Variants in CPNE5 observed in about 807,000 individuals in gnomAD.
CPNE5 encodes the protein copine-5.
Under a neutral mutation model 81.1 loss-of-function variants are expected in CPNE5, and 42 were observed. The ratio of observed to expected loss-of-function variants is 0.52; its 90% CI spans 0.40 to 0.67. The LOEUF (loss-of-function observed/expected upper bound fraction) is 0.67. CPNE5 is among the 30% of genes least tolerant of loss of function. The probability of loss-of-function intolerance (pLI) is 0.00; values close to 1 mark genes in which losing one functional copy is unlikely to be tolerated. For synonymous variants in CPNE5, 313 were observed against 321.5 expected, an observed-to-expected ratio of 0.97 and a Z score of 0.28; for missense variants, 612 against 815.5, an observed-to-expected ratio of 0.75 and a Z score of 3.04.
Position 36,791,978 on chromosome 6 carries a change from C to T in CPNE5, c.528+55G>A, listed in dbSNP as rs77163389. 17 of 1,483,716 alleles carry T rather than the reference C, an allele frequency of 1.1e-5. No homozygotes were observed. In the African/African-American group the frequency reaches 2.2e-4, roughly 19 times the overall value. The allele number at this position is 1,483,716 out of a possible 1,614,324, so 91.9% of individuals were successfully genotyped here. On this transcript the variant is annotated intron_variant, in intron 8 of 20. Transcript: ENST00000244751. ...CCAGGGGCTCAGGGAGGCCAGCCTG[C>T]ACTCCATCACCCCCACCCCAACCAC...
intron 9 of CPNE5, 102 bp from the exon 10 acceptor site, chr6:36,775,167 A>G (rs1255294115): frequency 2.9e-5 from 24 of 822,072 alleles, no homozygotes; most frequent in Non-Finnish European, 4.3e-5. Flanking sequence ...TGGTTCCTGG[A>G]CGACGGAAAT....
intron 6 of CPNE5, among the ~76,000 whole-genome samples, chr6:36,795,485 T>C (rs552795362): frequency 6.6e-6 from 1 of 152,270 alleles, no homozygotes; most frequent in Admixed American, 6.5e-5. Flanking sequence ...AGCCTGGAGA[T>C]AGGGTCTTTA....
intron 1 of CPNE5, chr6:36,827,246 C>A (rs1422127366): frequency 2.5e-5 from 21 of 847,424 alleles, no homozygotes; most frequent in Non-Finnish European, 3.0e-5. Flanking sequence ...TGATCCCACA[C>A]CTCGTCCACA....
rs770834971 is a variant in CPNE5 at position 36,774,375 on chromosome 6, C to T, written c.737+586G>A. 1.2e-4 allele frequency among the ~76,000 whole-genome samples: 18 copies of T among 152,098 alleles called. 1 individual carries two copies. The highest frequency in any genetic ancestry group is 2.2e-4 in the Non-Finnish European group (15 of 68,008). On this transcript the variant is annotated intron_variant, in intron 10 of 20. Coordinates refer to ENST00000244751, the MANE Select transcript of CPNE5 (RefSeq NM_020939.2). ...CTGCATTCCAGCCTGGGTGACTGAG[C>T]GAGACCCTGTCTAAAAAAAGAGAAA... is the stretch of plus-strand genomic sequence containing the variant.
In CPNE5 at chr6:36,778,874, G is replaced by A; in HGVS notation, c.612C>T (p.Tyr204=). 6.2e-7 allele frequency: 1 copy of A among 1,604,540 alleles called. No homozygotes were observed. Among genetic ancestry groups the A allele is most frequent in the Non-Finnish European group, 8.5e-7 (1 of 1,171,878 alleles). ...FGKSDPFLVF[Y]RSNEDGTFTI... ...CTCACGTTCCATCCTCGTTGCTTCT[G>A]TAGAATACCAAGAAGGGGTCAGATT... Residue 204 remains tyrosine, a synonymous_variant, in exon 9 of 21, where the codon TAC becomes TAT. Coordinates refer to ENST00000244751, the MANE Select transcript of CPNE5 (RefSeq NM_020939.2).
intron 12 of CPNE5, 79 bp downstream of exon 12, chr6:36,762,838 C>G: frequency 8.8e-7 from 1 of 1,138,938 alleles, no homozygotes; most frequent in South Asian, 1.2e-5. Context: ...AGCCCCCAGC[C>G]CAGTGCATGG....
intron 11 of CPNE5, among the ~76,000 whole-genome samples, chr6:36,763,325 G>A (rs867740034): frequency 3.9e-5 from 6 of 152,146 alleles, no homozygotes; most frequent in Non-Finnish European, 7.4e-5. Flanking sequence ...TATTGTGGCC[G>A]GGCGCGGTGG....
At chr6:36,791,935 G>C (rs1769131366) in intron 8 of CPNE5, 98 bp downstream of exon 8, 2 of 1,051,698 alleles carry the variant, frequency 1.9e-6, no homozygotes, top group African/African-American at 1.6e-5. Flanking sequence ...CAGGAGCCCT[G>C]TCTACCCTCG....
chr6:36,744,223 C>T lies in CPNE5; in HGVS notation c.1489+45G>A, dbSNP rs373546119. On this transcript the variant is annotated intron_variant, in intron 19 of 20. Coordinates refer to ENST00000244751, the MANE Select transcript of CPNE5 (RefSeq NM_020939.2). ...AACATCTGGGGTGGGGGCAGGGTTG[C>T]GTGGCTAGGGAAGGAAAGGAGGGGA... 1.5e-4 allele frequency: 228 copies of T among 1,493,910 alleles called. 1 individual carries two copies. Among genetic ancestry groups the T allele is most frequent in the Admixed American group, 2.3e-4 (12 of 51,064 alleles). The allele number at this position is 1,493,910 out of a possible 1,614,324, so 92.5% of individuals were successfully genotyped here.
chr6:36,792,178 C>A, intron 7 of CPNE5, 82 bp from the exon 8 acceptor site: 1 of 1,337,044 alleles, frequency 7.5e-7, no homozygotes, highest in Non-Finnish European at 1.1e-6. Flanking sequence ...CAGCCCCCTG[C>A]CCATCCTCCC....
Position 36,745,441 on chromosome 6 carries a change from A to C in CPNE5, c.1275T>G (p.Thr425=), listed in dbSNP as rs773187928. 6 of 1,606,270 alleles carry C rather than the reference A, an allele frequency of 3.7e-6. No individual in the cohort carries two copies. In the South Asian group the frequency reaches 6.7e-5, roughly 18 times the overall value. ...AGTTGGTGGGGCCGTACAGCTGCACAGTGCGCAGGCTGCGGTGGTAGGCCT... is the reference window on the plus strand; with the variant it reads ...AGTTGGTGGGGCCGTACAGCTGCACCGTGCGCAGGCTGCGGTGGTAGGCCT... The part of the protein sequence containing the change: ...ILEAYHRSLR[T]VQLYGPTNFA... Residue 425 remains threonine, a synonymous_variant, in exon 17 of 21, where the codon ACT becomes ACG. Transcript: ENST00000244751.
At chr6:36,800,542 T>C (rs1448778952) in intron 3 of CPNE5, among the ~76,000 whole-genome samples, 3 of 152,220 alleles carry the variant, frequency 2.0e-5, no homozygotes, top group Non-Finnish European at 4.4e-5. Context: ...ACTTATTTGA[T>C]TCCCAATTGC....
chr6:36,830,774 G>A (rs915213017), intron 1 of CPNE5, among the ~76,000 whole-genome samples: 2 of 152,174 alleles, frequency 1.3e-5, no homozygotes, highest in African/African-American at 4.8e-5. Context: ...TGCCTGTGGA[G>A]TTGCTGTGAA....
chr6:36,824,572 G>T (rs1391825823), intron 1 of CPNE5, among the ~76,000 whole-genome samples: 2 of 152,186 alleles, frequency 1.3e-5, no homozygotes, highest in Non-Finnish European at 2.9e-5. Context: ...CCCCACAGGG[G>T]CCTCTGCCCC....
chr6:36,839,196 C>T lies in CPNE5; in HGVS notation c.95+87G>A. 4 of 950,874 alleles carry T rather than the reference C, an allele frequency of 4.2e-6. No individual in the cohort carries two copies. The highest frequency in any genetic ancestry group is 4.6e-6 in the Non-Finnish European group (3 of 650,558). The allele number at this position is 950,874 out of a possible 1,614,324, so 58.9% of individuals were successfully genotyped here. ...ACCAGGACACTCTGGGAAGGGGGCG[C>T]GCGGAGGTTTAGGATCGAAGCGGCA... On this transcript the variant is annotated intron_variant, in intron 1 of 20. Coordinates refer to ENST00000244751, the MANE Select transcript of CPNE5 (RefSeq NM_020939.2). The surrounding 1 kb of genome is among the most constrained non-coding windows in gnomAD (Gnocchi z 7.3).
chr6:36,808,028 A>G (rs1445824876), intron 3 of CPNE5, among the ~76,000 whole-genome samples: 1 of 152,160 alleles, frequency 6.6e-6, no homozygotes, highest in Non-Finnish European at 1.5e-5. Context: ...ATCATGGACT[A>G]GGATGTGGAG....
chr6:36,828,515 C>T (rs909541865), intron 1 of CPNE5, among the ~76,000 whole-genome samples: 2 of 152,150 alleles, frequency 1.3e-5, no homozygotes, highest in Non-Finnish European at 2.9e-5. Context: ...TGTCTCTAAA[C>T]AAAGCCCAGA....
chr6:36,766,136 T>C lies in CPNE5; in HGVS notation c.738-760A>G, dbSNP rs1766545818. On this transcript the variant is annotated intron_variant, in intron 10 of 20. Transcript: ENST00000244751. This position sits in a 1 kb window ranked among gnomAD's most constrained non-coding sequence, Gnocchi z 4.2. ...CAGGGATGCCCAGGGACAGGGGAGCTGCCAGGGTCCCACAGCAGGGTCAGG... is the reference window on the plus strand; with the variant it reads ...CAGGGATGCCCAGGGACAGGGGAGCCGCCAGGGTCCCACAGCAGGGTCAGG... 6.6e-6 allele frequency among the ~76,000 whole-genome samples: 1 copy of C among 152,024 alleles called. No individual in the cohort carries two copies. Among genetic ancestry groups the C allele is most frequent in the Admixed American group, 6.6e-5 (1 of 15,262 alleles).
intron 2 of CPNE5, 64 bp from the exon 3 acceptor site, chr6:36,822,224 G>T: frequency 7.3e-7 from 1 of 1,371,510 alleles, no homozygotes; most frequent in African/African-American, 1.4e-5. Flanking sequence ...GGTCCCAGAT[G>T]AAAAGGATCC....
Sources: gnomAD v4.1 joint callset for allele counts (sites outside exome capture counted in the v4.1 genomes callset) on GRCh38, gnomAD v4.1.1 for gene constraint, Gnocchi (gnomAD v3.1) non-coding constraint, MANE v1.5 for transcripts, NCBI Gene and HGNC (gene_info 2026-07-23, HGNC 2026-07-21) for gene names.